COLQ: variants seen among roughly 807,000 people sequenced by gnomAD.
COLQ encodes collagen like tail subunit of asymmetric acetylcholinesterase.
COLQ carries 48 observed loss-of-function variants against 69.0 expected under a neutral mutation model. That is an observed-to-expected ratio of 0.70 (90% confidence interval 0.55 to 0.88). The LOEUF is 0.88. Ranked by LOEUF, COLQ falls within the 40% of genes least tolerant of loss-of-function variation. The pLI, the probability that COLQ is intolerant of heterozygous loss-of-function variation, is 0.00. For synonymous variants in COLQ, 217 were observed against 211.2 expected (o/e 1.03, Z -0.24); for missense variants, 618 against 594.6 (o/e 1.04, Z -0.41).
At chr3:15,475,775 A>C (rs962145739) in intron 6 of COLQ, among the ~76,000 whole-genome samples, 3 of 152,320 alleles carry the variant, frequency 2.0e-5, no homozygotes, top group South Asian at 4.1e-4. Flanking sequence ...GTATTTTCCT[A>C]GCGAGGATAG....
At chr3:15,460,407 T>C (rs1162997538) in intron 12 of COLQ, among the ~76,000 whole-genome samples, 1 of 151,828 alleles carries the variant, frequency 6.6e-6, no homozygotes, top group Non-Finnish European at 1.5e-5. Context: ...AGAAGAGAAA[T>C]AGGTAAGGAT....
chr3:15,504,220 A>C (rs2062871701), intron 1 of COLQ, among the ~76,000 whole-genome samples: 1 of 152,264 alleles, frequency 6.6e-6, no homozygotes, highest in South Asian at 2.1e-4. Context: ...TAGCCAGTGC[A>C]GAATCGCTGC....
At chr3:15,468,298 G>GA (rs1339411293) in intron 11 of COLQ, among the ~76,000 whole-genome samples, 2 of 146,138 alleles carry the variant, frequency 1.4e-5, no homozygotes, top group African/African-American at 2.5e-5. Context: ...CTCTCTCAAG[G>GA]AAATTGTTTC....
chr3:15,451,822 T>C (rs1169854501), intron 16 of COLQ, 109 bp from the exon 17 acceptor site: 10 of 944,044 alleles, frequency 1.1e-5, no homozygotes, highest in East Asian at 2.4e-5. Context: ...CAAGAACTTT[T>C]TCCCATTCTC....
chr3:15,506,178 A>G (rs796536348), intron 1 of COLQ, among the ~76,000 whole-genome samples: 5 of 152,222 alleles, frequency 3.3e-5, no homozygotes, highest in Admixed American at 6.5e-5. Context: ...GATAAACCTT[A>G]GGCTTTTTGC....
chr3:15,497,416 A>G (rs1480075361), intron 1 of COLQ, among the ~76,000 whole-genome samples: 1 of 152,088 alleles, frequency 6.6e-6, no homozygotes. Flanking sequence ...ACCCTCTTGC[A>G]AGGCCAGCCC....
chr3:15,485,284 C>T (rs539065352), intron 3 of COLQ, among the ~76,000 whole-genome samples: 6 of 152,298 alleles, frequency 3.9e-5, no homozygotes, highest in African/African-American at 1.2e-4. Context: ...GGGCACCCAG[C>T]TGTATGAGGT....
chr3:15,487,784 G>A (rs1182668925), intron 3 of COLQ, among the ~76,000 whole-genome samples: 1 of 152,186 alleles, frequency 6.6e-6, no homozygotes, highest in African/African-American at 2.4e-5. Flanking sequence ...GGGGCCCAGT[G>A]AGGCAGGAAA....
chr3:15,492,086 T>C (rs189676792), intron 1 of COLQ, among the ~76,000 whole-genome samples: 49 of 151,766 alleles, frequency 3.2e-4, no homozygotes, highest in Admixed American at 1.2e-3. Context: ...TGATTTATGA[T>C]ACAAAAGTAA....
At position 15,488,316 on chromosome 3, in the gene COLQ, C is replaced by G. The variant is rs773862785; in HGVS notation, c.220-9G>C. 6.2e-7 allele frequency: 1 copy of G among 1,611,360 alleles called. No homozygotes were observed. Among genetic ancestry groups the G allele is most frequent in the South Asian group, 1.1e-5 (1 of 91,026 alleles). ...ATGTCTGGGGAGAGAAGCTTCAGTA[C>G]AAAGCAACACAGAGTTAGAGGTCAG... On this transcript the variant is annotated splice_polypyrimidine_tract_variant and intron_variant, in intron 2 of 16. Coordinates refer to ENST00000383788, the MANE Select transcript of COLQ (RefSeq NM_005677.4).
At chr3:15,470,663 G>A (rs367966029) in intron 10 of COLQ, 47 bp from the exon 11 acceptor site, 185 of 1,552,088 alleles carry the variant, frequency 1.2e-4, no homozygotes, top group Non-Finnish European at 1.5e-4. Flanking sequence ...GGCATGTGGA[G>A]TGGGCACATC....
At chr3:15,493,339 G>C (rs1182124034) in intron 1 of COLQ, among the ~76,000 whole-genome samples, 4 of 152,234 alleles carry the variant, frequency 2.6e-5, no homozygotes, top group African/African-American at 4.8e-5. Context: ...GGGGAAAAAG[G>C]AGATTTATTG....
intron 1 of COLQ, among the ~76,000 whole-genome samples, chr3:15,503,174 G>T: frequency 6.6e-6 from 1 of 152,090 alleles, no homozygotes; most frequent in East Asian, 1.9e-4. Flanking sequence ...GGCAGTTTCC[G>T]GGTTAGCTGG....
intron 1 of COLQ, among the ~76,000 whole-genome samples, chr3:15,515,127 G>A (rs540027827): frequency 6.6e-6 from 1 of 152,290 alleles, no homozygotes; most frequent in African/African-American, 2.4e-5. Context: ...GACTGGATAA[G>A]TTCTCAGAGA....
At position 15,488,207 on chromosome 3, in the gene COLQ, T is replaced by G; in HGVS notation, c.320A>C (p.Gln107Pro). The G allele has an allele frequency of 6.2e-7, 1 of 1,610,240 alleles. No individual in the cohort carries two copies. Among genetic ancestry groups the G allele is most frequent in the Non-Finnish European group, 8.5e-7 (1 of 1,178,402 alleles). ...SLGSPGPPGP[Q>P]GPPGLPGKTG... ...AGGGGTCCGGTAGAGTGCACCAACC[T>G]GGGGGCCGGGAGGCCCAGGGGAGCC... Residue 107 changes from glutamine (Q) to proline (P), a missense_variant and splice_region_variant, in exon 3 of 17, where the codon CAG (glutamine) becomes CCG (proline). Gln to Pro is a moderately conservative substitution (Grantham distance 76). Transcript: ENST00000383788.
intron 1 of COLQ, among the ~76,000 whole-genome samples, chr3:15,502,886 A>G (rs1458099626): frequency 1.3e-5 from 2 of 152,154 alleles, no homozygotes; most frequent in South Asian, 4.1e-4. Flanking sequence ...AACGACGATG[A>G]CCCATGCTCA....
intron 3 of COLQ, among the ~76,000 whole-genome samples, chr3:15,479,911 C>T (rs2062449077): frequency 6.6e-6 from 1 of 152,150 alleles, no homozygotes; most frequent in African/African-American, 2.4e-5. Flanking sequence ...GGAAAAAAGT[C>T]TTCTTTTTTA....
At chr3:15,459,502 G>A (rs1288798474) in intron 12 of COLQ, among the ~76,000 whole-genome samples, 7 of 142,556 alleles carry the variant, frequency 4.9e-5, no homozygotes, top group East Asian at 2.0e-4. Flanking sequence ...TTTTGGAGAC[G>A]GAGCCTCACT....
At position 15,458,281 on chromosome 3, in the gene COLQ, GC is replaced by G. The variant is rs2062053687; in HGVS notation, c.858del (p.Pro287LeufsTer11). 1 of 1,613,976 alleles carries G rather than the reference GC, an allele frequency of 6.2e-7. No individual in the cohort carries two copies. Among genetic ancestry groups the G allele is most frequent in the South Asian group, 1.1e-5 (1 of 91,080 alleles). On this transcript the variant is annotated frameshift_variant, in exon 13 of 17. Coordinates refer to ENST00000383788, the MANE Select transcript of COLQ (RefSeq NM_005677.4). LOFTEE classifies it high-confidence loss of function. ...MGPKGERGFPGPPGRCLCGPT... is the reference protein window; with the variant it reads ...MGPKGERGFPXPPGRCLCGPT... The stretch of plus-strand genomic sequence containing the variant: ...GGTCCACAAAGACATCTTCCTGGAG[GC>G]CCGGGAAATCCTCTTTCCCCTTTGG...
Sources: gnomAD v4.1 joint callset for allele counts (sites outside exome capture counted in the v4.1 genomes callset) on GRCh38, gnomAD v4.1.1 for gene constraint, MANE v1.5 for transcripts, NCBI Gene and HGNC (gene_info 2026-07-23, HGNC 2026-07-21) for gene names.